SMYD3: variants seen among roughly 807,000 people sequenced by gnomAD.
SMYD3 encodes the protein SET and MYND domain containing 3, also known as histone-lysine N-methyltransferase SMYD3.
A neutral mutation model predicts 57.7 loss-of-function variants in SMYD3; 36 were observed. That is an observed-to-expected ratio of 0.62 (90% confidence interval 0.48 to 0.82). The LOEUF is 0.82. SMYD3 is among the 40% of genes least tolerant of loss of function. The pLI is 0.00. For synonymous variants in SMYD3, 211 were observed against 195.0 expected, an observed-to-expected ratio of 1.08 and a Z score of -0.68; for missense variants, 515 against 538.8, an observed-to-expected ratio of 0.96 and a Z score of 0.44.
Position 245,884,404 on chromosome 1 carries a change from C to T in SMYD3, c.814-20518G>A, listed in dbSNP as rs1001804006. Among the ~76,000 whole-genome samples, 9 of 152,148 alleles carry T rather than the reference C, an allele frequency of 5.9e-5. No individual in the cohort carries two copies. The South Asian group carries it at 8.3e-4, about 14-fold the overall frequency. On this transcript the variant is annotated intron_variant, in intron 8 of 11. Coordinates refer to ENST00000490107, the MANE Select transcript of SMYD3 (RefSeq NM_001167740.2). ...CTCTTCTGCAGGGACAGAGAGGAAC[C>T]GGAGTGGTCCTTCCGGTTTTGTGGT... is the stretch of plus-strand genomic sequence containing the variant.
At position 246,482,583 on chromosome 1, in the gene SMYD3, A is replaced by G. The variant is rs868285721; in HGVS notation, c.164+24471T>C. Among the ~76,000 whole-genome samples the G allele has an allele frequency of 4.6e-5, 7 of 152,226 alleles. 1 individual carries two copies. Among genetic ancestry groups the G allele is most frequent in the Middle Eastern group, 6.8e-3 (2 of 294 alleles). On this transcript the variant is annotated intron_variant, in intron 1 of 11. Transcript: ENST00000490107. ...TCATGGTGGGCTCTCCACAGCTCTC[A>G]CTCAGAGGTGCCAGTACACCTCCCT...
chr1:246,180,261 CTA>C (rs994975391), intron 5 of SMYD3, among the ~76,000 whole-genome samples: 6 of 132,594 alleles, frequency 4.5e-5, no homozygotes, highest in African/African-American at 9.2e-5. Context: ...TAATCTCTCT[CTA>C]TATATATGTG....
intron 5 of SMYD3, among the ~76,000 whole-genome samples, chr1:246,259,922 G>A (rs1326579258): frequency 6.6e-6 from 1 of 152,210 alleles, no homozygotes; most frequent in African/African-American, 2.4e-5. Context: ...AGGAATGGGG[G>A]ATGCCCTAAA....
chr1:246,492,465 T>A (rs1022153856), intron 1 of SMYD3, among the ~76,000 whole-genome samples: 1 of 151,990 alleles, frequency 6.6e-6, no homozygotes, highest in African/African-American at 2.4e-5. Context: ...CCCAAGAAAG[T>A]ACTGGGGCAA....
At chr1:246,131,580 C>A (rs1250166256) in intron 5 of SMYD3, among the ~76,000 whole-genome samples, 2 of 152,200 alleles carry the variant, frequency 1.3e-5, no homozygotes, top group Non-Finnish European at 2.9e-5. Flanking sequence ...ACATTCCCAA[C>A]ACTGTGCGGG....
At chr1:245,787,246 T>C (rs2047082035) in intron 10 of SMYD3, among the ~76,000 whole-genome samples, 1 of 152,200 alleles carries the variant, frequency 6.6e-6, no homozygotes, top group South Asian at 2.1e-4. Flanking sequence ...AATGGGCTCA[T>C]TTATGCTGCT....
At chr1:246,091,321 C>G (rs2060819777) in intron 5 of SMYD3, among the ~76,000 whole-genome samples, 1 of 152,078 alleles carries the variant, frequency 6.6e-6, no homozygotes, top group South Asian at 2.1e-4. Context: ...CTGGACTGAC[C>G]CCAGCCTCCA....
At chr1:246,506,991 C>CCCCCCCCCCCCCCCCCCCCCCACA in intron 1 of SMYD3, 63 bp downstream of exon 1, 1 of 815,394 alleles carries the variant, frequency 1.2e-6, no homozygotes, top group Non-Finnish European at 1.7e-6. Flanking sequence ...CGCCCGACGC[C>CCCCCCCCCCCCCCCCCCCCCCACA]CCCCCCTCCC....
chr1:245,862,307 C>A (rs1890815), intron 9 of SMYD3, among the ~76,000 whole-genome samples: 3 of 152,176 alleles, frequency 2.0e-5, no homozygotes, highest in Non-Finnish European at 4.4e-5. Flanking sequence ...GATCACAGTA[C>A]TAAGATTATA....
intron 10 of SMYD3, among the ~76,000 whole-genome samples, chr1:245,767,246 A>G (rs190678255): frequency 1.3e-5 from 2 of 152,162 alleles, no homozygotes; most frequent in Admixed American, 6.5e-5. Flanking sequence ...AAAGTGAAGC[A>G]GCAATCAGGT....
intron 6 of SMYD3, 33 bp from the exon 7 acceptor site, chr1:245,928,066 C>T (rs1021923865): frequency 1.9e-6 from 3 of 1,565,104 alleles, no homozygotes; most frequent in East Asian, 4.5e-5. Flanking sequence ...ACTGTCACAG[C>T]TCAGCAGGTA....
chr1:246,442,816 C>T (rs376845302), intron 1 of SMYD3, among the ~76,000 whole-genome samples: 1 of 151,688 alleles, frequency 6.6e-6, no homozygotes. Flanking sequence ...TGAAGGAAGG[C>T]AAAAAGGGAA....
intron 5 of SMYD3, among the ~76,000 whole-genome samples, chr1:246,222,924 T>C (rs936544550): frequency 5.9e-5 from 9 of 152,300 alleles, no homozygotes; most frequent in Admixed American, 1.3e-4. Flanking sequence ...TCACATCTAA[T>C]ACATGAAAAT....
chr1:245,789,154 G>A (rs916898671), intron 10 of SMYD3, among the ~76,000 whole-genome samples: 6 of 152,334 alleles, frequency 3.9e-5, no homozygotes, highest in African/African-American at 1.2e-4. Context: ...CAAGGTGTAC[G>A]TGGCACTAGG....
intron 8 of SMYD3, among the ~76,000 whole-genome samples, chr1:245,904,402 A>G (rs59146533): frequency 0.032 from 4,948 of 152,266 alleles, 261 homozygotes; most frequent in African/African-American, 0.11. Context: ...GTCTCAGGTA[A>G]TATCTTCATA....
intron 5 of SMYD3, among the ~76,000 whole-genome samples, chr1:245,970,260 G>T (rs2058263938): frequency 6.6e-6 from 1 of 152,198 alleles, no homozygotes; most frequent in Admixed American, 6.5e-5. Context: ...CTAGCCACAT[G>T]TAGAAAGGGG....
At chr1:246,299,327 TA>T (rs1325568136) in intron 5 of SMYD3, among the ~76,000 whole-genome samples, 1 of 152,106 alleles carries the variant, frequency 6.6e-6, no homozygotes, top group Non-Finnish European at 1.5e-5. Flanking sequence ...TGGCTATTAT[TA>T]AAAACTCAAA....
At chr1:246,151,176 A>G (rs4654215) in intron 5 of SMYD3, among the ~76,000 whole-genome samples, 136,300 of 151,550 alleles carry the variant, frequency 0.9, 61,640 homozygotes, top group African/African-American at 0.97. Context: ...AATTCAGGGG[A>G]CAGAGGTTGC....
intron 5 of SMYD3, among the ~76,000 whole-genome samples, chr1:246,300,097 G>A (rs2064867750): frequency 6.6e-6 from 1 of 151,874 alleles, no homozygotes; most frequent in Non-Finnish European, 1.5e-5. Flanking sequence ...ATTATACGTG[G>A]TATGCATGTA....
Sources: gnomAD v4.1 joint callset for allele counts (sites outside exome capture counted in the v4.1 genomes callset) on GRCh38, gnomAD v4.1.1 for gene constraint, MANE v1.5 for transcripts, NCBI Gene and HGNC (gene_info 2026-07-23, HGNC 2026-07-21) for gene names.